The following COL4A1 variants were observed in gnomAD, a reference collection of about 807,000 sequenced individuals.
COL4A1 encodes the protein collagen type IV alpha 1 chain, also known as collagen alpha-1(IV) chain.
COL4A1 carries 40 observed loss-of-function variants against 216.6 expected under a neutral mutation model. The observed-to-expected ratio is 0.18, with a 90% CI of 0.14 to 0.24. The LOEUF is 0.24. Ranked by LOEUF, COL4A1 falls within the 10% of genes least tolerant of loss-of-function variation. The pLI is 1.00. For synonymous variants in COL4A1, 839 were observed against 810.7 expected, an observed-to-expected ratio of 1.03 and a Z score of -0.59; for missense variants, 1,628 against 2,196.8, an observed-to-expected ratio of 0.74 and a Z score of 5.18.
intron 1 of COL4A1, among the ~76,000 whole-genome samples, chr13:110,247,962 A>AT (rs34117435): frequency 4.6e-4 from 70 of 151,514 alleles, no homozygotes; most frequent in Non-Finnish European, 8.3e-4. Flanking sequence ...CAATTTTCTG[A>AT]TTTTTTTTCC....
chr13:110,253,015 A>T (rs371445220), intron 1 of COL4A1, among the ~76,000 whole-genome samples: 2,859 of 64,598 alleles, frequency 0.044, 1,079 homozygotes, highest in Non-Finnish European at 0.066. Flanking sequence ...GATAACTATA[A>T]GTACGTATGT....
chr13:110,217,216 C>T (rs1453359311), intron 2 of COL4A1, among the ~76,000 whole-genome samples: 1 of 152,210 alleles, frequency 6.6e-6, no homozygotes, highest in Non-Finnish European at 1.5e-5. Context: ...TGGCGACCAG[C>T]ATGCAGTATG....
At chr13:110,181,147 G>C (rs1308344467) in intron 29 of COL4A1, 145 bp downstream of exon 29, 1 of 704,444 alleles carries the variant, frequency 1.4e-6, no homozygotes, top group Non-Finnish European at 2.6e-6. Flanking sequence ...TACGTTCTCT[G>C]ATACTTTCTA....
intron 21 of COL4A1, 68 bp downstream of exon 21, chr13:110,198,399 A>G: frequency 1.3e-6 from 2 of 1,591,532 alleles, no homozygotes; most frequent in South Asian, 1.1e-5. Flanking sequence ...ACAGCCCCCA[A>G]CCTGGGTCTG....
At chr13:110,191,444 G>A (rs767965848) in intron 24 of COL4A1, 4 of 434,832 alleles carry the variant, frequency 9.2e-6, no homozygotes, top group Non-Finnish European at 1.6e-5. Flanking sequence ...GAGGAACAAT[G>A]CCTTGAGATT....
At chr13:110,244,100 C>T (rs1881684447) in intron 1 of COL4A1, among the ~76,000 whole-genome samples, 1 of 152,170 alleles carries the variant, frequency 6.6e-6, no homozygotes, top group African/African-American at 2.4e-5. Flanking sequence ...TATTCTACTT[C>T]AGGTGATTAT....
intron 1 of COL4A1, among the ~76,000 whole-genome samples, chr13:110,264,770 C>T (rs1372928291): frequency 1.3e-5 from 2 of 152,160 alleles, no homozygotes; most frequent in Non-Finnish European, 2.9e-5. Flanking sequence ...TCTCCTCTTT[C>T]CTTCCATCTC....
chr13:110,281,295 G>T (rs1054603023), intron 1 of COL4A1, among the ~76,000 whole-genome samples: 2 of 152,190 alleles, frequency 1.3e-5, no homozygotes, highest in Admixed American at 6.5e-5. Context: ...AAAACAAAAC[G>T]TGAGAAGCAG....
At chr13:110,202,003 C>A (rs80030515) in intron 18 of COL4A1, among the ~76,000 whole-genome samples, 2,308 of 152,176 alleles carry the variant, frequency 0.015, 68 homozygotes, top group African/African-American at 0.053. Flanking sequence ...CAAACAGCAA[C>A]AACAACGAAA....
At chr13:110,265,113 C>T (rs1882976548) in intron 1 of COL4A1, 2 of 152,276 alleles carry the variant, frequency 1.3e-5, no homozygotes, top group African/African-American at 4.8e-5. Context: ...CTCCATTCTC[C>T]CTTAGGCTCC....
chr13:110,230,505 G>A (rs561260434), intron 2 of COL4A1, among the ~76,000 whole-genome samples: 2 of 151,062 alleles, frequency 1.3e-5, no homozygotes, highest in South Asian at 2.1e-4. Flanking sequence ...AGAAAGGGCA[G>A]AAATTTTATA....
At chr13:110,170,230 G>T (rs979916588) in intron 42 of COL4A1, among the ~76,000 whole-genome samples, 2 of 152,170 alleles carry the variant, frequency 1.3e-5, no homozygotes, top group Non-Finnish European at 2.9e-5. Flanking sequence ...CTACCACTAC[G>T]GGGGTCTTCA....
chr13:110,261,402 A>T (rs1314597815), intron 1 of COL4A1, among the ~76,000 whole-genome samples: 4 of 152,138 alleles, frequency 2.6e-5, no homozygotes, highest in Admixed American at 6.5e-5. Context: ...GAGCCTGCTA[A>T]CTCACTGGTT....
intron 2 of COL4A1, among the ~76,000 whole-genome samples, chr13:110,230,940 A>C (rs967184159): frequency 8.5e-5 from 13 of 152,306 alleles, no homozygotes; most frequent in African/African-American, 3.1e-4. Context: ...GATTCAGGGC[A>C]GGGCACCCAG....
At chr13:110,176,356 T>G (rs1877884867) in intron 36 of COL4A1, 68 bp downstream of exon 36, 3 of 1,061,362 alleles carry the variant, frequency 2.8e-6, no homozygotes, top group Non-Finnish European at 4.4e-6. Flanking sequence ...AGGATCTCAT[T>G]CTGCAGACAT....
chr13:110,259,777 A>G lies in COL4A1; in HGVS notation c.85-17043T>C, dbSNP rs922855742. Among the ~76,000 whole-genome samples the G allele has an allele frequency of 1.2e-4, 18 of 152,262 alleles. 1 individual carries two copies. The highest frequency in any genetic ancestry group is 2.6e-4 in the Admixed American group (4 of 15,276). On this transcript the variant is annotated intron_variant, in intron 1 of 51. Coordinates refer to ENST00000375820, the MANE Select transcript of COL4A1 (RefSeq NM_001845.6). Reference sequence around the variant, plus strand: ...TTAATTTAATGGTCACAGAAATCAGACCAAGAAAGGAAGTGGGAGCTAAGT... The same window carrying G: ...TTAATTTAATGGTCACAGAAATCAGGCCAAGAAAGGAAGTGGGAGCTAAGT...
chr13:110,204,202 C>T (rs12428957), intron 17 of COL4A1, among the ~76,000 whole-genome samples: 33,517 of 149,346 alleles, frequency 0.22, 4,304 homozygotes, highest in Admixed American at 0.31. Flanking sequence ...TTTATATAAA[C>T]GTCATCGTAA....
At chr13:110,287,899 G>T (rs777916285) in intron 1 of COL4A1, among the ~76,000 whole-genome samples, 1 of 152,182 alleles carries the variant, frequency 6.6e-6, no homozygotes, top group Non-Finnish European at 1.5e-5. Context: ...CCAATAGGGA[G>T]TATCTCATCA....
intron 1 of COL4A1, among the ~76,000 whole-genome samples, chr13:110,259,895 C>T (rs939170942): frequency 1.3e-4 from 20 of 151,778 alleles, no homozygotes; most frequent in Non-Finnish European, 1.9e-4. Context: ...ATAGTAGGGC[C>T]ACAGCCAAAA....
Sources: gnomAD v4.1 joint callset for allele counts (sites outside exome capture counted in the v4.1 genomes callset) on GRCh38, gnomAD v4.1.1 for gene constraint, MANE v1.5 for transcripts, NCBI Gene and HGNC (gene_info 2026-07-23, HGNC 2026-07-21) for gene names.